The following SLC7A6OS variants were observed in gnomAD, a reference collection of about 807,000 sequenced individuals.
The protein encoded by SLC7A6OS is solute carrier family 7 member 6 opposite strand, also known as probable RNA polymerase II nuclear localization protein SLC7A6OS.
A neutral mutation model predicts 34.3 loss-of-function variants in SLC7A6OS; 22 were observed. The observed-to-expected ratio is 0.64, with a 90% CI of 0.46 to 0.92. SLC7A6OS has a LOEUF of 0.92. Among genes scored for constraint, SLC7A6OS ranks in the 40% least tolerant of loss-of-function variants. The pLI is 0.00. For missense variants in SLC7A6OS, 434 were observed against 407.7 expected (o/e 1.06, Z -0.56); for synonymous variants, 199 against 165.0 (o/e 1.21, Z -1.58).
intron 3 of SLC7A6OS, 95 bp from the exon 4 acceptor site, chr16:68,302,596 G>A: frequency 1.3e-6 from 2 of 1,487,990 alleles, no homozygotes; most frequent in Non-Finnish European, 1.9e-6. Flanking sequence ...GAGATATCAT[G>A]TAAAAGTGCC....
chr16:68,310,855 C>A lies in SLC7A6OS; in HGVS notation c.72G>T (p.Val24=). Residue 24 remains valine, a synonymous_variant, in exon 1 of 5, where the codon GTG becomes GTT. Transcript: ENST00000263997. ...CGCTCCGGAGGCGTTTACAAGCGAG[C>A]ACAAGAGCCTCCGCCGGCTCCGCAC... ...KRSAEPAEAL[V]LACKRLRSDA... is the part of the protein sequence containing the mutation. 2.5e-6 allele frequency: 4 copies of A among 1,612,574 alleles called. No homozygotes were observed. Among genetic ancestry groups the A allele is most frequent in the Non-Finnish European group, 3.4e-6 (4 of 1,179,716 alleles).
Position 68,298,831 on chromosome 16 carries a change from A to G in SLC7A6OS, c.*2444T>C, listed in dbSNP as rs1328203855. ...TACAACTGTTTTGTGATGCCCCCAGACACTGTCATCCTGGGCCGAGAAGAA... is the reference window on the plus strand; with the variant it reads ...TACAACTGTTTTGTGATGCCCCCAGGCACTGTCATCCTGGGCCGAGAAGAA... On this transcript the variant is annotated 3_prime_UTR_variant, in exon 5 of 5. Transcript: ENST00000263997. The G allele has an allele frequency of 6.6e-6, 1 of 152,546 alleles. No homozygotes were observed. The allele number at this position is 152,546 out of a possible 1,614,324, so 9.4% of individuals were successfully genotyped here.
At chr16:68,301,532 A>G (rs2043276052) in intron 4 of SLC7A6OS, 127 bp from the exon 5 acceptor site, 2 of 699,860 alleles carry the variant, frequency 2.9e-6, no homozygotes, top group African/African-American at 3.7e-5. Context: ...TCAATAAATA[A>G]AAAAGAATAT....
intron 2 of SLC7A6OS, among the ~76,000 whole-genome samples, chr16:68,304,748 C>T (rs563793275): frequency 5.3e-5 from 8 of 152,066 alleles, no homozygotes; most frequent in African/African-American, 7.2e-5. Flanking sequence ...AAGATAGAAA[C>T]GTACAAGATA....
chr16:68,304,320 G>C (rs1238107239), intron 2 of SLC7A6OS, 88 bp from the exon 3 acceptor site: 7 of 1,203,314 alleles, frequency 5.8e-6, no homozygotes, highest in Admixed American at 3.6e-5. Context: ...GTGAAGGAAG[G>C]CTCCCTACAG....
rs990157612 is a variant in SLC7A6OS at position 68,298,423 on chromosome 16, G to C, written c.*2852C>G. Reference sequence around the variant, plus strand: ...TGCAGACCCAAGCAATCCCAACCTGGTGCTAGGTCATTTCACTTTTCTGAA... The same window carrying C: ...TGCAGACCCAAGCAATCCCAACCTGCTGCTAGGTCATTTCACTTTTCTGAA... On this transcript the variant is annotated 3_prime_UTR_variant, in exon 5 of 5. Coordinates refer to ENST00000263997, the MANE Select transcript of SLC7A6OS (RefSeq NM_032178.3). 1.3e-5 allele frequency: 2 copies of C among 152,422 alleles called. No individual in the cohort carries two copies. The highest frequency in any genetic ancestry group is 1.3e-4 in the Admixed American group (2 of 15,282). 9.4% of individuals were successfully genotyped at this position (152,422 alleles called of 1,614,324 possible). A position where few individuals can be genotyped will look rare whatever the true frequency, so the allele number is the denominator to read the frequency against.
chr16:68,301,107 CTAACA>C lies in SLC7A6OS; in HGVS notation c.*163_*167del, dbSNP rs1266467206. ...CTGTAAGTGGAAAAGACTCACTCCC[CTAACA>C]TAAGTTTTCACTGTGGTGGGATGGT... On this transcript the variant is annotated 3_prime_UTR_variant, in exon 5 of 5. Coordinates refer to ENST00000263997, the MANE Select transcript of SLC7A6OS (RefSeq NM_032178.3). 1.0e-5 allele frequency: 14 copies of C among 1,345,096 alleles called. No homozygotes were observed. Among genetic ancestry groups the C allele is most frequent in the Non-Finnish European group, 1.2e-5 (13 of 1,045,398 alleles). 83.3% of individuals were successfully genotyped at this position (1,345,096 alleles called of 1,614,324 possible). A position where few individuals can be genotyped will look rare whatever the true frequency, so the allele number is the denominator to read the frequency against.
intron 2 of SLC7A6OS, among the ~76,000 whole-genome samples, chr16:68,310,100 T>G (rs2043429093): frequency 6.6e-6 from 1 of 152,236 alleles, no homozygotes; most frequent in African/African-American, 2.4e-5. Flanking sequence ...TTACTGTTTC[T>G]GTCTACCTGC....
chr16:68,300,826 C>A lies in SLC7A6OS; in HGVS notation c.*449G>T. ...TCCAGTCTGTATTGCTACAAGGGAC[C>A]CACTGGTACCCCTTTTAGATTCTAT... On this transcript the variant is annotated 3_prime_UTR_variant, in exon 5 of 5. Transcript: ENST00000263997. 2.0e-6 allele frequency: 2 copies of A among 986,254 alleles called. No individual in the cohort carries two copies. The highest frequency in any genetic ancestry group is 9.4e-5 in the South Asian group (2 of 21,338). The allele number at this position is 986,254 out of a possible 1,614,324, so 61.1% of individuals were successfully genotyped here.
In SLC7A6OS at chr16:68,304,254, C is replaced by A; in HGVS notation, c.472-22G>T. 3 of 1,596,018 alleles carry A rather than the reference C, an allele frequency of 1.9e-6. No homozygotes were observed. In the African/African-American group the frequency reaches 4.0e-5, roughly 21 times the overall value. On this transcript the variant is annotated intron_variant, in intron 2 of 4. Coordinates refer to ENST00000263997, the MANE Select transcript of SLC7A6OS (RefSeq NM_032178.3). Reference sequence around the variant, plus strand: ...ATGTCTGTAAAGAAACCACAGATTACACACACACGCATGACCCAAAACATG... The same window carrying A: ...ATGTCTGTAAAGAAACCACAGATTAAACACACACGCATGACCCAAAACATG...
intron 1 of SLC7A6OS, 59 bp downstream of exon 1, chr16:68,310,676 G>C (rs2043488124): frequency 1.3e-6 from 2 of 1,581,066 alleles, no homozygotes; most frequent in African/African-American, 2.7e-5. Flanking sequence ...TCAGGGATCG[G>C]GTTTCGTACC....
chr16:68,308,956 G>A (rs2043346555), intron 2 of SLC7A6OS, among the ~76,000 whole-genome samples: 1 of 151,734 alleles, frequency 6.6e-6, no homozygotes, highest in Non-Finnish European at 1.5e-5. Flanking sequence ...GGAGGCTGAG[G>A]TAGGAGAATT....
intron 1 of SLC7A6OS, 42 bp downstream of exon 1, chr16:68,310,693 A>G: frequency 6.3e-7 from 1 of 1,582,582 alleles, no homozygotes; most frequent in Non-Finnish European, 8.6e-7. Flanking sequence ...TACCGGCTGC[A>G]CCCGAAGATG....
At chr16:68,302,217 G>A in intron 4 of SLC7A6OS, 164 bp downstream of exon 4, 2 of 732,170 alleles carry the variant, frequency 2.7e-6, no homozygotes, top group Non-Finnish European at 4.6e-6. Context: ...GGAGGCCCCT[G>A]GGAAACACTG....
In SLC7A6OS at chr16:68,310,916, G is replaced by T. The variant is rs866112460; in HGVS notation, c.11C>A (p.Ala4Asp). The stretch of plus-strand genomic sequence containing the variant: ...CTTCACCCGGAGTACAGCGGTCCTG[G>T]CGGCCTCCATAGTGGCTGCCGCTGA... MEA[A>D]RTAVLRVKRK... is the part of the protein sequence containing the mutation. The change falls in exon 1 of 5, where the codon GCC becomes GAC. Residue 4 changes from alanine (A) to aspartate (D), a missense_variant. Transcript: ENST00000263997. The T allele has an allele frequency of 6.9e-6, 11 of 1,585,086 alleles. No individual in the cohort carries two copies. In the South Asian group the frequency reaches 1.1e-4, roughly 16 times the overall value.
intron 2 of SLC7A6OS, among the ~76,000 whole-genome samples, chr16:68,308,740 T>C (rs2043344730): frequency 6.6e-6 from 1 of 151,826 alleles, no homozygotes; most frequent in Non-Finnish European, 1.5e-5. Flanking sequence ...AAATGAGTTC[T>C]ATAAAAATGT....
rs79083492 is a variant in SLC7A6OS at position 68,301,140 on chromosome 16, C to T, written c.*135G>A. 2,980 of 1,448,744 alleles carry T rather than the reference C, an allele frequency of 2.1e-3. 6 individuals are homozygous for T. Among genetic ancestry groups the T allele is most frequent in the Non-Finnish European group, 2.5e-3 (2,768 of 1,097,424 alleles). The allele number at this position is 1,448,744 out of a possible 1,614,324, so 89.7% of individuals were successfully genotyped here. On this transcript the variant is annotated 3_prime_UTR_variant, in exon 5 of 5. Coordinates refer to ENST00000263997, the MANE Select transcript of SLC7A6OS (RefSeq NM_032178.3). ...AGTTTTCACTGTGGTGGGATGGTGC[C>T]GCCCGATATGCTTGATATGCTTTTC...
intron 2 of SLC7A6OS, among the ~76,000 whole-genome samples, chr16:68,310,084 A>G (rs2043428512): frequency 6.6e-6 from 1 of 152,130 alleles, no homozygotes; most frequent in South Asian, 2.1e-4. Flanking sequence ...CACTGAATAG[A>G]CTTGTTTACT....
chr16:68,310,495 C>T lies in SLC7A6OS; in HGVS notation c.311G>A (p.Arg104Gln), dbSNP rs766992661. 1.6e-5 allele frequency: 25 copies of T among 1,586,778 alleles called. No individual in the cohort carries two copies. In the East Asian group the frequency reaches 3.7e-4, roughly 23 times the overall value. ...CAAGGATCGGCGGCTGGAAAGCACCCGGTAGCGGCCCTCCTGCCGGACCTC... is the reference window on the plus strand; with the variant it reads ...CAAGGATCGGCGGCTGGAAAGCACCTGGTAGCGGCCCTCCTGCCGGACCTC... Reference protein sequence around the residue: ...AREVRQEGRYRVLSSRRSLGT... With the variant: ...AREVRQEGRYQVLSSRRSLGT... The change falls in exon 2 of 5, where the codon CGG becomes CAG. Residue 104 changes from arginine (R) to glutamine (Q), a missense_variant. Arg to Gln is a conservative substitution (Grantham distance 43, BLOSUM62 1). Coordinates refer to ENST00000263997, the MANE Select transcript of SLC7A6OS (RefSeq NM_032178.3).
Sources: gnomAD v4.1 joint callset for allele counts (sites outside exome capture counted in the v4.1 genomes callset) on GRCh38, gnomAD v4.1.1 for gene constraint, MANE v1.5 for transcripts, NCBI Gene and HGNC (gene_info 2026-07-23, HGNC 2026-07-21) for gene names.